DNAH5: variants seen among roughly 807,000 people sequenced by gnomAD.
The protein encoded by DNAH5 is axonemal beta dynein heavy chain 5.
DNAH5 carries 372 observed loss-of-function variants against 518.2 expected under a neutral mutation model. The observed-to-expected ratio is 0.72, with a 90% CI of 0.66 to 0.78. The LOEUF is 0.78. DNAH5 is among the 30% of genes least tolerant of loss of function. DNAH5 has a pLI of 0.00. For missense variants in DNAH5, 5,523 were observed against 5,687.0 expected, an observed-to-expected ratio of 0.97 and a Z score of 0.93; for synonymous variants, 2,039 against 2,025.9, an observed-to-expected ratio of 1.01 and a Z score of -0.17.
chr5:13,947,368 A>T (rs1780011851), upstream of DNAH5, among the ~76,000 whole-genome samples: 1 of 152,184 alleles, frequency 6.6e-6, no homozygotes, highest in African/African-American at 2.4e-5. Flanking sequence ...TTGGGGTCAG[A>T]CAGACCTGAA....
At chr5:13,753,659 T>C in intron 62 of DNAH5, 110 bp from the exon 63 acceptor site, 2 of 1,022,770 alleles carry the variant, frequency 2.0e-6, no homozygotes, top group South Asian at 3.3e-5. Flanking sequence ...TAAACTAAAT[T>C]CCACAAATCA....
At chr5:13,826,632 G>C (rs555142257) in intron 38 of DNAH5, among the ~76,000 whole-genome samples, 1 of 152,298 alleles carries the variant, frequency 6.6e-6, no homozygotes, top group Non-Finnish European at 1.5e-5. Flanking sequence ...GCTTCCTGAG[G>C]CCTTCTCAGC....
At position 13,729,526 on chromosome 5, in the gene DNAH5, T is replaced by C; in HGVS notation, c.11796A>G (p.Pro3932=). ...GASLDLKACP[P]KPSKWILDIT... ...TGTCCAGGATCCATTTTGATGGTTT[T>C]GGAGGACAAGCTTTAAGGTCTAATG... is the stretch of plus-strand genomic sequence containing the variant. Residue 3932 remains proline, a synonymous_variant, in exon 69 of 79, where the codon CCA becomes CCG. Coordinates refer to ENST00000265104, the MANE Select transcript of DNAH5 (RefSeq NM_001369.3). 6.2e-7 allele frequency: 1 copy of C among 1,613,942 alleles called. No homozygotes were observed. Among genetic ancestry groups the C allele is most frequent in the South Asian group, 1.1e-5 (1 of 91,076 alleles).
chr5:13,885,038 T>G lies in DNAH5; in HGVS notation c.2934A>C (p.Leu978=). 1 of 1,614,214 alleles carries G rather than the reference T, an allele frequency of 6.2e-7. No homozygotes were observed. The highest frequency in any genetic ancestry group is 1.6e-4 in the Middle Eastern group (1 of 6,062). ...AATGAATACGTTTGCGAATGGCCTC[T>G]AGTGTATTCCTTGTAACTTTCAGAA... ...DALLKVTRNT[L]EAIRKRIHSS... The change falls in exon 19 of 79, where the codon CTA becomes CTC. Residue 978 remains leucine (L), a synonymous_variant. Coordinates refer to ENST00000265104, the MANE Select transcript of DNAH5 (RefSeq NM_001369.3).
At chr5:13,725,579 C>T (rs114297787) in intron 70 of DNAH5, among the ~76,000 whole-genome samples, 3,808 of 152,282 alleles carry the variant, frequency 0.025, 69 homozygotes, top group Non-Finnish European at 0.039. Flanking sequence ...AATATGTGGT[C>T]CCAATGCAAC....
In DNAH5 at chr5:13,839,407, T is replaced by C. The variant is rs761022355; in HGVS notation, c.5831A>G (p.Asn1944Ser). Residue 1944 changes from asparagine to serine, a missense_variant, in exon 35 of 79, where the codon AAT becomes AGT. Around this residue, in one of 3 missense-constraint regions of DNAH5, gnomAD observed 5,121 missense variants for 5,223.3 expected, o/e 0.98. Transcript: ENST00000265104. ...HITDVAFIYQ[N>S]EFLGCTDRLV... is the part of the protein sequence containing the mutation. ...CCTGTCAGTGCAGCCTAAAAATTCA[T>C]TCTGGTATATGAACGCCACATCTGT... 6.2e-7 allele frequency: 1 copy of C among 1,614,126 alleles called. No homozygotes were observed. Among genetic ancestry groups the C allele is most frequent in the South Asian group, 1.1e-5 (1 of 91,086 alleles).
chr5:13,995,125 C>T (rs930530785), intron 1 of DNAH5, among the ~76,000 whole-genome samples: 6 of 152,146 alleles, frequency 3.9e-5, no homozygotes, highest in Admixed American at 3.3e-4. Context: ...TTTCGTTTCT[C>T]ATTTCATCTG....
Position 13,894,781 on chromosome 5 carries a change from G to A in DNAH5, c.2300C>T (p.Pro767Leu). Residue 767 changes from proline to leucine, a missense_variant, in exon 16 of 79, where the codon CCT becomes CTT. Transcript: ENST00000265104. The part of the protein sequence containing the change: ...AEYQRVKSKI[P>L]AAIEQLIVPH... ...GACAATCAATTGCTCAATGGCAGCA[G>A]GTATTTTTGACTTCACTCTCTGATA... The A allele has an allele frequency of 6.2e-7, 1 of 1,614,042 alleles. No homozygotes were observed. The highest frequency in any genetic ancestry group is 8.5e-7 in the Non-Finnish European group (1 of 1,179,958).
intron 32 of DNAH5, among the ~76,000 whole-genome samples, chr5:13,843,447 A>T (rs1386192756): frequency 6.6e-6 from 1 of 152,090 alleles, no homozygotes; most frequent in Non-Finnish European, 1.5e-5. Flanking sequence ...TGTGGGTTGA[A>T]TTGTGTCTCT....
chr5:13,777,929 G>A (rs1292461491), intron 53 of DNAH5, among the ~76,000 whole-genome samples: 4 of 152,106 alleles, frequency 2.6e-5, no homozygotes, highest in East Asian at 3.9e-4. Flanking sequence ...CAGTCTGAAG[G>A]TTCTCTAATT....
chr5:13,850,883 A>G lies in DNAH5; in HGVS notation c.4951-68T>C, dbSNP rs982929027. 4.8e-6 allele frequency: 7 copies of G among 1,471,044 alleles called. No individual in the cohort carries two copies. The South Asian group carries it at 8.0e-5, about 17-fold the overall frequency. 91.1% of individuals were successfully genotyped at this position (1,471,044 alleles called of 1,614,324 possible). A position where few individuals can be genotyped will look rare whatever the true frequency, so the allele number is the denominator to read the frequency against. On this transcript the variant is annotated intron_variant, in intron 30 of 78. Transcript: ENST00000265104. ...TCTGTGATCCCAAAGACAGTATCTC[A>G]CATTCCTCCAGCTGAGGCTAGAGCT...
At chr5:13,929,376 T>C (rs954575651) in intron 2 of DNAH5, among the ~76,000 whole-genome samples, 18 of 152,226 alleles carry the variant, frequency 1.2e-4, no homozygotes, top group African/African-American at 4.1e-4. Context: ...GGTACAGCGT[T>C]TCTGTTTTTG....
At chr5:13,815,397 T>C (rs1394200038) in intron 42 of DNAH5, among the ~76,000 whole-genome samples, 1 of 152,152 alleles carries the variant, frequency 6.6e-6, no homozygotes, top group African/African-American at 2.4e-5. Context: ...GACTGAATGT[T>C]TGTGTTCCCC....
intron 69 of DNAH5, among the ~76,000 whole-genome samples, chr5:13,728,412 T>C (rs1746044065): frequency 6.6e-6 from 1 of 152,190 alleles, no homozygotes; most frequent in Admixed American, 6.5e-5. Flanking sequence ...AGGCAAATCA[T>C]TCCAGGTTCA....
chr5:13,752,840 G>T (rs1187423490), intron 63 of DNAH5, among the ~76,000 whole-genome samples: 4 of 152,220 alleles, frequency 2.6e-5, no homozygotes. Context: ...TGGGAAGCAT[G>T]TAAAGGCTCT....
rs114509899 is a variant in DNAH5, at chr5:13,918,255, A to G, written c.975+921T>C. On this transcript the variant is annotated intron_variant, in intron 7 of 78. Coordinates refer to ENST00000265104, the MANE Select transcript of DNAH5 (RefSeq NM_001369.3). ...CTACAGAGAGGCCCATGTGGGAAGG[A>G]ACTGAAGGAAGCCTCTAGCCAACAG... Among the ~76,000 whole-genome samples the G allele has an allele frequency of 8.0e-3, 1,224 of 152,278 alleles. 15 individuals carry two copies. Among genetic ancestry groups the G allele is most frequent in the African/African-American group, 0.028 (1,166 of 41,546 alleles).
rs114385308 is a variant in DNAH5 at position 13,749,122 on chromosome 5, G to C, written c.11211+1956C>G. 2.2e-3 allele frequency among the ~76,000 whole-genome samples: 339 copies of C among 152,102 alleles called. 4 individuals carry two copies. The highest frequency in any genetic ancestry group is 7.8e-3 in the African/African-American group (325 of 41,506). ...AACAAGCATACTGCTGAAAATCCAT[G>C]AAAATGAAGCCCAGCAGCTCACTTC... On this transcript the variant is annotated intron_variant, in intron 65 of 78. Coordinates refer to ENST00000265104, the MANE Select transcript of DNAH5 (RefSeq NM_001369.3).
At chr5:13,928,915 G>A (rs186642597) in intron 2 of DNAH5, among the ~76,000 whole-genome samples, 14 of 152,182 alleles carry the variant, frequency 9.2e-5, no homozygotes, top group African/African-American at 1.7e-4. Flanking sequence ...TGGTGGAGCC[G>A]TTGTGGAAAA....
chr5:13,897,373 C>A lies in DNAH5; in HGVS notation c.2260-2552G>T, dbSNP rs1047408706. ...CTTCTAGCAGGCATTCTACTTCCCA[C>A]CTTTAATCCCAGAAGGGATTACTCA... On this transcript the variant is annotated intron_variant, in intron 15 of 78. Coordinates refer to ENST00000265104, the MANE Select transcript of DNAH5 (RefSeq NM_001369.3). Among the ~76,000 whole-genome samples the A allele has an allele frequency of 5.3e-5, 8 of 152,244 alleles. No homozygotes were observed. In the East Asian group the frequency reaches 1.5e-3, roughly 29 times the overall value.
Sources: allele counts gnomAD v4.1 joint callset (sites outside exome capture counted in the v4.1 genomes callset), GRCh38; gene constraint gnomAD v4.1.1; regional missense constraint gnomAD v4.1.1; transcripts MANE v1.5; gene names NCBI Gene and HGNC (gene_info 2026-07-23, HGNC 2026-07-21).